UGT2A2: variants seen among roughly 807,000 people sequenced by gnomAD.
UGT2A2 encodes UDP-glucuronosyltransferase 2A2.
A neutral mutation model predicts 50.7 loss-of-function variants in UGT2A2; 60 were observed. The ratio of observed to expected loss-of-function variants is 1.18; its 90% CI spans 0.96 to 1.47. The LOEUF is 1.47. UGT2A2 is among the 40% of genes most tolerant of loss of function. The pLI is 0.00. For synonymous variants in UGT2A2, 242 were observed against 214.6 expected (o/e 1.13, Z -1.11); for missense variants, 762 against 634.0 (o/e 1.20, Z -2.17).
At chr4:69,625,873 A>G (rs1721024631) in intron 1 of UGT2A2, among the ~76,000 whole-genome samples, 1 of 151,546 alleles carries the variant, frequency 6.6e-6, no homozygotes. Flanking sequence ...ATTCAATAGC[A>G]TTCTTTAACC....
At chr4:69,618,669 A>G (rs1489331055) in intron 1 of UGT2A2, among the ~76,000 whole-genome samples, 6 of 152,004 alleles carry the variant, frequency 3.9e-5, no homozygotes, top group African/African-American at 1.4e-4. Context: ...TTCAGATTCA[A>G]CTTTGGTTAA....
intron 1 of UGT2A2, among the ~76,000 whole-genome samples, chr4:69,626,340 C>A (rs1233280534): frequency 2.0e-5 from 3 of 150,592 alleles, no homozygotes; most frequent in African/African-American, 7.3e-5. Context: ...GTTTGGAGAC[C>A]TTTAACCATG....
intron 1 of UGT2A2, among the ~76,000 whole-genome samples, chr4:69,628,913 T>G (rs10022954): frequency 0.046 from 6,998 of 151,724 alleles, 196 homozygotes; most frequent in Middle Eastern, 0.075. Context: ...CTGAGAGAGA[T>G]AATCTTTCAA....
At chr4:69,610,207 T>C (rs1719953948) in intron 1 of UGT2A2, among the ~76,000 whole-genome samples, 1 of 151,816 alleles carries the variant, frequency 6.6e-6, no homozygotes, top group Non-Finnish European at 1.5e-5. Flanking sequence ...AAAATTAAAG[T>C]TCATGAGTCA....
intron 1 of UGT2A2, among the ~76,000 whole-genome samples, chr4:69,618,629 A>C (rs924292158): frequency 3.3e-5 from 5 of 152,034 alleles, no homozygotes; most frequent in Non-Finnish European, 7.4e-5. Context: ...TAATTCCTGA[A>C]ACCCTCGATA....
intron 1 of UGT2A2, among the ~76,000 whole-genome samples, chr4:69,601,689 T>A (rs540239842): frequency 6.6e-6 from 1 of 152,014 alleles, no homozygotes; most frequent in East Asian, 1.9e-4. Flanking sequence ...AACCAAGGAA[T>A]CTCACAAAGT....
At chr4:69,589,795 TG>T (rs1160058967) in intron 5 of UGT2A2, 144 bp from the exon 6 acceptor site, 18 of 1,259,934 alleles carry the variant, frequency 1.4e-5, no homozygotes, top group Middle Eastern at 4.6e-4. Flanking sequence ...CTTTGTTAGT[TG>T]TATAGGATTT....
In UGT2A2 at chr4:69,607,444, T is replaced by G. The variant is rs557818228; in HGVS notation, c.743-8050A>C. On this transcript the variant is annotated intron_variant, in intron 1 of 5. Transcript: ENST00000604629. The stretch of plus-strand genomic sequence containing the variant: ...CAAGCTGGATTAAAGACTTACATGT[T>G]AGACCTAAAACCATAAAAACCCTAG... Among the ~76,000 whole-genome samples the G allele has an allele frequency of 1.7e-4, 26 of 152,088 alleles. No individual in the cohort carries two copies. In the South Asian group the frequency reaches 5.4e-3, roughly 32 times the overall value.
At chr4:69,600,835 A>G (rs1207739929) in intron 1 of UGT2A2, among the ~76,000 whole-genome samples, 4 of 151,880 alleles carry the variant, frequency 2.6e-5, no homozygotes, top group Admixed American at 2.6e-4. Context: ...TCTCGTGATA[A>G]CTCACTCACT....
At chr4:69,621,273 A>G (rs1234613166) in intron 1 of UGT2A2, among the ~76,000 whole-genome samples, 1 of 152,056 alleles carries the variant, frequency 6.6e-6, no homozygotes, top group Non-Finnish European at 1.5e-5. Context: ...AATATCCAGT[A>G]TTTACAGGGA....
chr4:69,608,169 C>T (rs192522029), intron 1 of UGT2A2, among the ~76,000 whole-genome samples: 21 of 152,122 alleles, frequency 1.4e-4, no homozygotes, highest in African/African-American at 4.3e-4. Flanking sequence ...TGGAACCAAC[C>T]CAAATGTCCA....
At chr4:69,607,238 A>T (rs1400878596) in intron 1 of UGT2A2, among the ~76,000 whole-genome samples, 5 of 146,936 alleles carry the variant, frequency 3.4e-5, no homozygotes, top group Admixed American at 6.8e-5. Context: ...CCAATGGAAC[A>T]GAACAGAGCC....
intron 5 of UGT2A2, among the ~76,000 whole-genome samples, chr4:69,591,503 C>A (rs954801162): frequency 2.0e-5 from 3 of 152,070 alleles, no homozygotes; most frequent in Admixed American, 6.6e-5. Context: ...AGGAAGCCTT[C>A]AGGTAGTAGG....
rs534950896 is a variant in UGT2A2 at position 69,631,148 on chromosome 4, C to T, written c.742+7751G>A. Among the ~76,000 whole-genome samples the T allele has an allele frequency of 1.6e-3, 244 of 152,134 alleles. 1 individual carries two copies. Among genetic ancestry groups the T allele is most frequent in the African/African-American group, 5.7e-3 (236 of 41,520 alleles). On this transcript the variant is annotated intron_variant, in intron 1 of 5. Coordinates refer to ENST00000604629, the MANE Select transcript of UGT2A2 (RefSeq NM_001105677.2). ...TGCTTTATTTTTGACTTCCTATTAACGTCTTTTCTTTAGAAAAGCAGAGAG... is the reference window on the plus strand; with the variant it reads ...TGCTTTATTTTTGACTTCCTATTAATGTCTTTTCTTTAGAAAAGCAGAGAG...
intron 1 of UGT2A2, among the ~76,000 whole-genome samples, chr4:69,615,763 T>C (rs959440757): frequency 2.6e-5 from 4 of 151,720 alleles, no homozygotes; most frequent in Non-Finnish European, 4.4e-5. Flanking sequence ...CAATAACAAA[T>C]GCTGGTGAGG....
At chr4:69,607,055 T>C (rs78553675) in intron 1 of UGT2A2, among the ~76,000 whole-genome samples, 23,693 of 116,292 alleles carry the variant, frequency 0.2, 5,435 homozygotes, top group Non-Finnish European at 0.24. Context: ...CTTCACAGAA[T>C]TGGAAAAAAC....
chr4:69,607,991 T>C (rs1251151624), intron 1 of UGT2A2, among the ~76,000 whole-genome samples: 3 of 152,110 alleles, frequency 2.0e-5, no homozygotes, highest in South Asian at 2.1e-4. Context: ...ACTAGTTCAA[T>C]CATTGTGGAA....
intron 5 of UGT2A2, 50 bp downstream of exon 5, chr4:69,594,427 T>A (rs765871805): frequency 1.9e-6 from 3 of 1,590,764 alleles, no homozygotes; most frequent in Admixed American, 1.8e-5. Context: ...TCTGGTATTA[T>A]GAATAATGTA....
At chr4:69,614,416 T>A (rs2109923544) in intron 1 of UGT2A2, among the ~76,000 whole-genome samples, 1 of 151,342 alleles carries the variant, frequency 6.6e-6, no homozygotes, top group East Asian at 1.9e-4. Flanking sequence ...ACAGATTCAT[T>A]GCAATCCCTA....
Sources: allele counts gnomAD v4.1 joint callset (sites outside exome capture counted in the v4.1 genomes callset), GRCh38; gene constraint gnomAD v4.1.1; transcripts MANE v1.5; gene names NCBI Gene and HGNC (gene_info 2026-07-23, HGNC 2026-07-21).